Variants in EYA1 observed in about 807,000 individuals in gnomAD.
The protein encoded by EYA1 is protein phosphatase EYA1.
In EYA1, 16 loss-of-function variants were observed where a neutral mutation model predicts 82.0. The ratio of observed to expected loss-of-function variants is 0.20; its 90% CI spans 0.13 to 0.30. The LOEUF is 0.30. Among genes scored for constraint, EYA1 ranks in the 10% least tolerant of loss-of-function variants. EYA1 has a pLI of 1.00. For synonymous variants in EYA1, 261 were observed against 264.4 expected, an observed-to-expected ratio of 0.99 and a Z score of 0.12; for missense variants, 633 against 730.7, an observed-to-expected ratio of 0.87 and a Z score of 1.54.
At chr8:71,267,543 T>C (rs1446983527) in intron 11 of EYA1, among the ~76,000 whole-genome samples, 1 of 152,162 alleles carries the variant, frequency 6.6e-6, no homozygotes, top group Non-Finnish European at 1.5e-5. Flanking sequence ...GGAAATTATA[T>C]GAGATAAAAC....
intron 7 of EYA1, among the ~76,000 whole-genome samples, chr8:71,305,308 G>T (rs1820606112): frequency 7.0e-6 from 1 of 142,772 alleles, no homozygotes; most frequent in South Asian, 2.3e-4. Flanking sequence ...CCTCAAAGTA[G>T]AAAGAATTCC....
chr8:71,386,895 A>G (rs891247951), intron 2 of EYA1, among the ~76,000 whole-genome samples: 3 of 152,190 alleles, frequency 2.0e-5, no homozygotes, highest in Admixed American at 6.6e-5. Flanking sequence ...TTTATTCTCA[A>G]TCAGACAACT....
At chr8:71,316,869 T>C (rs1412420980) in intron 7 of EYA1, among the ~76,000 whole-genome samples, 1 of 152,220 alleles carries the variant, frequency 6.6e-6, no homozygotes, top group African/African-American at 2.4e-5. Flanking sequence ...ATTTGCAAGA[T>C]AACAATGTGC....
chr8:71,493,405 C>G (rs548765816), intron 2 of EYA1, among the ~76,000 whole-genome samples: 17 of 152,278 alleles, frequency 1.1e-4, no homozygotes, highest in African/African-American at 3.6e-4. Context: ...TGGAATTGTG[C>G]CCATGTGGTT....
At chr8:71,266,822 C>T (rs1233118538) in intron 11 of EYA1, among the ~76,000 whole-genome samples, 3 of 152,170 alleles carry the variant, frequency 2.0e-5, no homozygotes. Flanking sequence ...TCCCTTCCCT[C>T]CAAATTGAAT....
At chr8:71,493,017 T>C (rs2129226895) in intron 2 of EYA1, among the ~76,000 whole-genome samples, 1 of 152,324 alleles carries the variant, frequency 6.6e-6, no homozygotes, top group South Asian at 2.1e-4. Flanking sequence ...CTGTGCTAAT[T>C]GGTTTTCTAT....
At chr8:71,511,713 A>T (rs1483252516) in intron 2 of EYA1, among the ~76,000 whole-genome samples, 1 of 152,182 alleles carries the variant, frequency 6.6e-6, no homozygotes, top group Non-Finnish European at 1.5e-5. Context: ...GCCTTATGCT[A>T]TTGCTTACAT....
intron 16 of EYA1, among the ~76,000 whole-genome samples, chr8:71,211,634 G>A (rs1235562072): frequency 6.6e-6 from 1 of 152,032 alleles, no homozygotes; most frequent in Non-Finnish European, 1.5e-5. Flanking sequence ...AGGCAATTCT[G>A]GCAACATATT....
intron 4 of EYA1, among the ~76,000 whole-genome samples, chr8:71,327,198 C>T (rs981575186): frequency 6.6e-6 from 1 of 152,242 alleles, no homozygotes; most frequent in Non-Finnish European, 1.5e-5. Flanking sequence ...CACTTCACTG[C>T]TATATTCCCA....
intron 12 of EYA1, among the ~76,000 whole-genome samples, chr8:71,237,858 C>T (rs1424113465): frequency 3.9e-5 from 6 of 152,082 alleles, no homozygotes; most frequent in South Asian, 2.1e-4. Flanking sequence ...ACAAATATTA[C>T]AGCTCAATGA....
intron 11 of EYA1, among the ~76,000 whole-genome samples, chr8:71,249,316 T>C (rs6993067): frequency 0.11 from 17,088 of 152,016 alleles, 1,044 homozygotes; most frequent in Non-Finnish European, 0.13. Flanking sequence ...GGGTAATTTA[T>C]AAAGAAAAGA....
At chr8:71,381,718 T>A (rs1206969795) in intron 2 of EYA1, among the ~76,000 whole-genome samples, 1 of 152,232 alleles carries the variant, frequency 6.6e-6, no homozygotes, top group Non-Finnish European at 1.5e-5. Flanking sequence ...CTTTGAAGAA[T>A]CTTCCCCTCT....
At chr8:71,545,721 C>T (rs1347746205) in intron 1 of EYA1, among the ~76,000 whole-genome samples, 2 of 151,958 alleles carry the variant, frequency 1.3e-5, no homozygotes, top group Admixed American at 6.6e-5. Context: ...ACCACCACGC[C>T]CAGCTAATTT....
chr8:71,489,995 G>A (rs925183261), intron 2 of EYA1, among the ~76,000 whole-genome samples: 3 of 152,184 alleles, frequency 2.0e-5, no homozygotes, highest in Non-Finnish European at 4.4e-5. Flanking sequence ...CCAAGGTCCA[G>A]GGCCAAGTGT....
chr8:71,270,325 C>T (rs1349819743), intron 10 of EYA1: 1 of 159,702 alleles, frequency 6.3e-6, no homozygotes, highest in East Asian at 1.8e-4. Flanking sequence ...CCTTATGTTA[C>T]CTATTGAGCT....
At chr8:71,375,627 A>T (rs567496057) in intron 2 of EYA1, among the ~76,000 whole-genome samples, 39 of 152,138 alleles carry the variant, frequency 2.6e-4, no homozygotes, top group Non-Finnish European at 4.4e-4. Flanking sequence ...TCCCCTCTAC[A>T]TAACTTTTTT....
chr8:71,357,224 A>G (rs534971514), intron 1 of EYA1, among the ~76,000 whole-genome samples: 1 of 152,348 alleles, frequency 6.6e-6, no homozygotes, highest in African/African-American at 2.4e-5. Flanking sequence ...AAATGTAGTT[A>G]GCTTTTTTGG....
At chr8:71,312,232 T>G (rs1274343130) in intron 7 of EYA1, among the ~76,000 whole-genome samples, 2 of 152,160 alleles carry the variant, frequency 1.3e-5, no homozygotes, top group Non-Finnish European at 2.9e-5. Flanking sequence ...TCAGAAAAAT[T>G]TAAAGACCAA....
chr8:71,432,870 T>C (rs577140905), intron 2 of EYA1, among the ~76,000 whole-genome samples: 7 of 152,268 alleles, frequency 4.6e-5, no homozygotes, highest in Admixed American at 4.6e-4. Flanking sequence ...AATGAGACAT[T>C]GTACAAACCA....
Sources: gnomAD v4.1 joint callset for allele counts (sites outside exome capture counted in the v4.1 genomes callset) on GRCh38, gnomAD v4.1.1 for gene constraint, MANE v1.5 for transcripts, NCBI Gene and HGNC (gene_info 2026-07-23, HGNC 2026-07-21) for gene names.